FBXO10: variants seen among roughly 807,000 people sequenced by gnomAD.
FBXO10 encodes the protein F-box protein 10, also known as F-box only protein 10.
FBXO10 carries 39 observed loss-of-function variants against 80.7 expected under a neutral mutation model. That is an observed-to-expected ratio of 0.48 (90% CI 0.37 to 0.63). The LOEUF (loss-of-function observed/expected upper bound fraction) is 0.63, where lower values mean the gene tolerates loss of function less well. FBXO10 is among the 30% of genes least tolerant of loss of function. The pLI, the probability that FBXO10 is intolerant of heterozygous loss-of-function variation, is 0.00. For synonymous variants in FBXO10, 449 were observed against 489.6 expected (o/e 0.92, Z 1.09); for missense variants, 1,025 against 1,269.0 (o/e 0.81, Z 2.92).
intron 1 of FBXO10, among the ~76,000 whole-genome samples, chr9:37,554,278 C>T (rs188362113): frequency 6.6e-6 from 1 of 152,296 alleles, no homozygotes; most frequent in East Asian, 1.9e-4. Flanking sequence ...TCCTCCAGTT[C>T]TAAAACTGTA....
In FBXO10 at chr9:37,516,044, G is replaced by A. The variant is rs772130360; in HGVS notation, c.2556C>T (p.Ile852=). The A allele has an allele frequency of 3.7e-5, 60 of 1,613,696 alleles. No homozygotes were observed. The South Asian group carries it at 4.8e-4, about 13-fold the overall frequency. Residue 852 remains isoleucine, a synonymous_variant, in exon 10 of 11, where the codon ATC becomes ATT. Coordinates refer to ENST00000432825, the MANE Select transcript of FBXO10 (RefSeq NM_012166.3). ...GGGCCTTGGCACGGCCCCGCACGGC[G>A]ATGCCGTAGGCCCGGAACGAGTGGA... ...NRIHSFRAYG[I]AVRGRAKALV...
intron 6 of FBXO10, among the ~76,000 whole-genome samples, chr9:37,524,033 C>G (rs1821407902): frequency 6.6e-6 from 1 of 152,262 alleles, no homozygotes; most frequent in Admixed American, 6.5e-5. Context: ...TCAGGAGTCT[C>G]TGTGTGACTG....
At chr9:37,539,707 C>A (rs1180355856) in intron 2 of FBXO10, among the ~76,000 whole-genome samples, 1 of 152,196 alleles carries the variant, frequency 6.6e-6, no homozygotes, top group Admixed American at 6.5e-5. Flanking sequence ...AAAACACAAG[C>A]TTTTAAGCTT....
intron 1 of FBXO10, among the ~76,000 whole-genome samples, chr9:37,547,662 TC>T (rs1337958508): frequency 1.3e-5 from 2 of 151,652 alleles, no homozygotes; most frequent in African/African-American, 4.8e-5. Flanking sequence ...GTGATAAAAA[TC>T]AAAACAGTGC....
chr9:37,566,343 C>A lies in FBXO10; in HGVS notation c.-7+9868G>T, dbSNP rs187237178. Among the ~76,000 whole-genome samples, 1,304 of 151,956 alleles carry A rather than the reference C, an allele frequency of 8.6e-3. 13 individuals carry two copies. The highest frequency in any genetic ancestry group is 0.017 in the Admixed American group (264 of 15,244). On this transcript the variant is annotated intron_variant, in intron 1 of 10. Transcript: ENST00000432825. Reference sequence around the variant, plus strand: ...GCATAGTGGTGGGCACCTGTAATCCCAGCTACTTGGGAGGCTGAGGCAGAG... The same window carrying A: ...GCATAGTGGTGGGCACCTGTAATCCAAGCTACTTGGGAGGCTGAGGCAGAG...
chr9:37,534,400 G>A (rs1284249714), intron 3 of FBXO10, among the ~76,000 whole-genome samples: 1 of 152,184 alleles, frequency 6.6e-6, no homozygotes, highest in African/African-American at 2.4e-5. Flanking sequence ...TTCGGAGCGT[G>A]CAGTGAGCCC....
chr9:37,541,953 C>T (rs2119128969), intron 1 of FBXO10, among the ~76,000 whole-genome samples, 179 bp from the exon 2 acceptor site: 1 of 152,252 alleles, frequency 6.6e-6, no homozygotes, highest in East Asian at 1.9e-4. Flanking sequence ...CCTCAGCCTC[C>T]CAAGTAGCTG....
rs889621411 is a variant in FBXO10 at position 37,524,590 on chromosome 9, T to C, written c.1777+512A>G. Among the ~76,000 whole-genome samples the C allele has an allele frequency of 4.3e-4, 65 of 152,292 alleles. 1 individual carries two copies. The highest frequency in any genetic ancestry group is 2.2e-3 in the Admixed American group (33 of 15,304). The stretch of plus-strand genomic sequence containing the variant: ...ACCCTCACCTTGTGGAATTTACCAC[T>C]TTATAACAGAGGAGACGGACACCAC... On this transcript the variant is annotated intron_variant, in intron 6 of 10. Transcript: ENST00000432825.
Position 37,518,272 on chromosome 9 carries a change from C to A in FBXO10, c.2367G>T (p.Gln789His), listed in dbSNP as rs750298328. The change falls in exon 9 of 11, where the codon CAG (glutamine) becomes CAT (histidine). Residue 789 changes from glutamine to histidine, a missense_variant. By Grantham distance (24) the Gln-to-His change is conservative. Coordinates refer to ENST00000432825, the MANE Select transcript of FBXO10 (RefSeq NM_012166.3). Reference sequence around the variant, plus strand: ...CATTGCCCCGGAGCTCCACTTTGCACTGGGCCTCAACCTTGACCCCACTTT... The same window carrying A: ...CATTGCCCCGGAGCTCCACTTTGCAATGGGCCTCAACCTTGACCCCACTTT... ...NRQSGVKVEA[Q>H]CKVELRGNGI... The A allele has an allele frequency of 1.9e-6, 3 of 1,614,082 alleles. No individual in the cohort carries two copies. The highest frequency in any genetic ancestry group is 2.5e-6 in the Non-Finnish European group (3 of 1,179,908).
At position 37,537,450 on chromosome 9, in the gene FBXO10, G is replaced by A. The variant is rs1258574005; in HGVS notation, c.1079C>T (p.Pro360Leu). The stretch of plus-strand genomic sequence containing the variant: ...GTCCTCATCTTCATCCTCACCGCTG[G>A]GACTCAGGCCTCCATCGCTGCTGTC... ...TPDSSDGGLSPSGEDEDEDQL... is the reference protein window; with the variant it reads ...TPDSSDGGLSLSGEDEDEDQL... The change falls in exon 3 of 11, where the codon CCC (proline) becomes CTC (leucine). Residue 360 changes from proline to leucine, a missense_variant. Physicochemically the swap from Pro to Leu is moderately conservative, Grantham distance 98. Around this residue, in one of 3 missense-constraint regions of FBXO10, gnomAD observed 450 missense variants for 499.4 expected, o/e 0.90. Transcript: ENST00000432825. The A allele has an allele frequency of 1.2e-6, 2 of 1,604,506 alleles. No homozygotes were observed. Among genetic ancestry groups the A allele is most frequent in the Non-Finnish European group, 1.7e-6 (2 of 1,175,478 alleles).
In FBXO10 at chr9:37,512,463, G is replaced by C; in HGVS notation, c.*84C>G. 6.1e-6 allele frequency: 9 copies of C among 1,470,200 alleles called. 1 individual carries two copies. Among genetic ancestry groups the C allele is most frequent in the Non-Finnish European group, 8.3e-6 (9 of 1,083,368 alleles). 91.1% of individuals were successfully genotyped at this position (1,470,200 alleles called of 1,614,324 possible). ...CCCATTTGTTCGAGGGGGAGGGGGA[G>C]GGGCGGAGTCTTTTCAGGCAGTATT... On this transcript the variant is annotated 3_prime_UTR_variant, in exon 11 of 11. Transcript: ENST00000432825.
At chr9:37,561,340 C>T (rs1822478404) in intron 1 of FBXO10, among the ~76,000 whole-genome samples, 1 of 152,072 alleles carries the variant, frequency 6.6e-6, no homozygotes, top group Non-Finnish European at 1.5e-5. Flanking sequence ...TTACCATGCC[C>T]AGACTTGTTC....
Position 37,525,954 on chromosome 9 carries a change from A to G in FBXO10, c.1707-782T>C, listed in dbSNP as rs529856241. On this transcript the variant is annotated intron_variant, in intron 5 of 10. Transcript: ENST00000432825. ...AGGCTAGCCTCAACCTCTTGCACTC[A>G]AGTGATCCTCCCACCTCAGCCTCCC... 1.4e-4 allele frequency among the ~76,000 whole-genome samples: 22 copies of G among 152,200 alleles called. 1 individual carries two copies. Among genetic ancestry groups the G allele is most frequent in the African/African-American group, 5.3e-4 (22 of 41,518 alleles).
At position 37,571,874 on chromosome 9, in the gene FBXO10, C is replaced by A. The variant is rs1054884566; in HGVS notation, c.-7+4337G>T. ...CAAGGGCTGGGCATGGTAGCTCACACCTGTAATCCCAGCACTTGGGGAGGC... is the reference window on the plus strand; with the variant it reads ...CAAGGGCTGGGCATGGTAGCTCACAACTGTAATCCCAGCACTTGGGGAGGC... On this transcript the variant is annotated intron_variant, in intron 1 of 10. Coordinates refer to ENST00000432825, the MANE Select transcript of FBXO10 (RefSeq NM_012166.3). 2.0e-5 allele frequency among the ~76,000 whole-genome samples: 3 copies of A among 151,674 alleles called. No individual in the cohort carries two copies. In the South Asian group the frequency reaches 6.3e-4, roughly 32 times the overall value.
rs1363414438 is a variant in FBXO10, at chr9:37,541,385, G to A, written c.384C>T (p.Ala128=). 6.2e-7 allele frequency: 1 copy of A among 1,614,028 alleles called. No homozygotes were observed. ...AGAGCACAATTCGGTCATACAGGCT[G>A]GCCATGGCCAAGGCACTGCCCAGGC... ...FDSLGSALAM[A]SLYDRIVLFP... Residue 128 remains alanine (A), a synonymous_variant, in exon 2 of 11, where the codon GCC becomes GCT. Transcript: ENST00000432825.
intron 3 of FBXO10, among the ~76,000 whole-genome samples, chr9:37,533,159 G>A (rs1019230436): frequency 3.2e-4 from 7 of 21,934 alleles, no homozygotes; most frequent in Admixed American, 1.2e-3. Flanking sequence ...TGTTTAATAA[G>A]TACAGTTGTC....
intron 1 of FBXO10, among the ~76,000 whole-genome samples, chr9:37,569,010 A>G (rs967881241): frequency 1.3e-5 from 2 of 152,212 alleles, no homozygotes; most frequent in Non-Finnish European, 2.9e-5. Context: ...GACCTAAACA[A>G]AAATACATCA....
At chr9:37,558,464 T>C (rs1036017128) in intron 1 of FBXO10, among the ~76,000 whole-genome samples, 1 of 152,214 alleles carries the variant, frequency 6.6e-6, no homozygotes, top group Non-Finnish European at 1.5e-5. Context: ...TGACATCCCA[T>C]AGTATCCAGC....
At position 37,522,816 on chromosome 9, in the gene FBXO10, G is replaced by A. The variant is rs1423117066; in HGVS notation, c.1930+9C>T. On this transcript the variant is annotated intron_variant, in intron 7 of 10. Transcript: ENST00000432825. ...GCCTCCCCGGCTGGGTTGGGAACAA[G>A]CTCCTCACCGTAGATGGTATTTCCT... The A allele has an allele frequency of 1.3e-6, 2 of 1,551,494 alleles. No individual in the cohort carries two copies. Among genetic ancestry groups the A allele is most frequent in the African/African-American group, 2.7e-5 (2 of 72,998 alleles).
Sources: gnomAD v4.1 joint callset for allele counts (sites outside exome capture counted in the v4.1 genomes callset) on GRCh38, gnomAD v4.1.1 for gene constraint, gnomAD v4.1.1 regional missense constraint, MANE v1.5 for transcripts, NCBI Gene and HGNC (gene_info 2026-07-23, HGNC 2026-07-21) for gene names.